The following EPN3 variants were observed in gnomAD, a reference collection of about 807,000 sequenced individuals.
EPN3 encodes epsin 3.
In EPN3, 56 loss-of-function variants were observed where a neutral mutation model predicts 55.5. That is an observed-to-expected ratio of 1.01 (90% CI 0.81 to 1.26). The LOEUF is 1.26. Among genes scored for constraint, EPN3 ranks in the 50% most tolerant of loss-of-function variants. The pLI, the probability that EPN3 is intolerant of heterozygous loss-of-function variation, is 0.00. For synonymous variants in EPN3, 449 were observed against 375.2 expected (o/e 1.20, Z -2.27); for missense variants, 927 against 853.4 (o/e 1.09, Z -1.07).
chr17:50,538,806 A>T, intron 3 of EPN3, 78 bp from the exon 4 acceptor site: 2 of 1,098,778 alleles, frequency 1.8e-6, no homozygotes, highest in Non-Finnish European at 2.6e-6. Context: ...CATCCCCATG[A>T]CCCAGGCAGG....
In EPN3 at chr17:50,541,011, A is replaced by AG; in HGVS notation, c.1199dup (p.Ser400ArgfsTer5). 6.2e-7 allele frequency: 1 copy of AG among 1,602,820 alleles called. No homozygotes were observed. The highest frequency in any genetic ancestry group is 1.1e-5 in the South Asian group (1 of 90,640). ...GAACTCTCCCCACCACAAACTCCCC[A>AG]GCACTGGGGCTGACCCTTGGGGAGC... On this transcript the variant is annotated frameshift_variant, in exon 7 of 10. Transcript: ENST00000268933. LOFTEE classifies it high-confidence loss of function.
At chr17:50,540,755 G>A in intron 6 of EPN3, 38 bp from the exon 7 acceptor site, 1 of 1,554,148 alleles carries the variant, frequency 6.4e-7, no homozygotes, top group Middle Eastern at 1.7e-4. Flanking sequence ...AGGGATAAGG[G>A]TGGGCCTGGG....
chr17:50,537,038 T>C lies in EPN3; in HGVS notation c.482T>C (p.Ile161Thr). The change falls in exon 2 of 10, where the codon ATT becomes ACT. Residue 161 changes from isoleucine (I) to threonine (T), a missense_variant. Transcript: ENST00000268933. Reference sequence around the variant, plus strand: ...CGCATGGCACTGGAGGGCATCGGCATTGGCAGTGGGCAGCTGGGCTTCAGC... The same window carrying C: ...CGCATGGCACTGGAGGGCATCGGCACTGGCAGTGGGCAGCTGGGCTTCAGC... Reference protein sequence around the residue: ...KERMALEGIGIGSGQLGFSRR... With the variant: ...KERMALEGIGTGSGQLGFSRR... 6.2e-7 allele frequency: 1 copy of C among 1,612,814 alleles called. No homozygotes were observed. Among genetic ancestry groups the C allele is most frequent in the Non-Finnish European group, 8.5e-7 (1 of 1,179,880 alleles).
At chr17:50,537,309 A>C in intron 2 of EPN3, 191 bp downstream of exon 2, 1 of 621,452 alleles carries the variant, frequency 1.6e-6, no homozygotes, top group Non-Finnish European at 2.8e-6. Flanking sequence ...TCAGATAATA[A>C]CGTTGTTATA....
At chr17:50,540,763 G>C in intron 6 of EPN3, 30 bp from the exon 7 acceptor site, 3 of 1,566,640 alleles carry the variant, frequency 1.9e-6, no homozygotes, top group Non-Finnish European at 2.6e-6. Context: ...GGGTGGGCCT[G>C]GGATCATGTC....
chr17:50,540,520 G>A (rs2034832634), intron 6 of EPN3, among the ~76,000 whole-genome samples, 186 bp downstream of exon 6: 1 of 138,724 alleles, frequency 7.2e-6, no homozygotes, highest in Admixed American at 7.2e-5. Flanking sequence ...TGTCTGAAGG[G>A]CCCAGCTCCT....
In EPN3 at chr17:50,539,317, T is replaced by C. The variant is rs769600811; in HGVS notation, c.891+2T>C. On this transcript the variant is annotated splice_donor_variant, in intron 5 of 9. Coordinates refer to ENST00000268933, the MANE Select transcript of EPN3 (RefSeq NM_017957.3). LOFTEE classifies it high-confidence loss of function. ...GAGGAGAAGCTAAAAACCAGCCAGG[T>C]AGGGAGTGGGCTGCGGTGCTTGGGA... 1.3e-5 allele frequency: 21 copies of C among 1,613,732 alleles called. No individual in the cohort carries two copies. Among genetic ancestry groups the C allele is most frequent in the Admixed American group, 6.7e-5 (4 of 59,976 alleles).
chr17:50,536,199 G>C (rs1274655848), intron 1 of EPN3: 2 of 279,444 alleles, frequency 7.2e-6, no homozygotes, highest in Non-Finnish European at 6.9e-6. Context: ...TGTGGATGGA[G>C]GTAATGATAA....
chr17:50,534,188 C>T (rs1597858521), intron 1 of EPN3, among the ~76,000 whole-genome samples: 1 of 151,722 alleles, frequency 6.6e-6, no homozygotes, highest in East Asian at 2.0e-4. Context: ...CTCACCTTGT[C>T]CCCTCAAACT....
At chr17:50,539,577 G>A (rs996430671) in intron 5 of EPN3, among the ~76,000 whole-genome samples, 2 of 152,308 alleles carry the variant, frequency 1.3e-5, no homozygotes, top group African/African-American at 2.4e-5. Flanking sequence ...TCTATGACTT[G>A]GGGCATGTCA....
intron 4 of EPN3, 60 bp from the exon 5 acceptor site, chr17:50,539,127 A>G: frequency 6.2e-7 from 1 of 1,603,172 alleles, no homozygotes; most frequent in Admixed American, 1.7e-5. Context: ...TCTGGTGCAC[A>G]GGTCCCCGGA....
chr17:50,534,724 A>G (rs1305156083), intron 1 of EPN3: 13 of 892,278 alleles, frequency 1.5e-5, no homozygotes, highest in Non-Finnish European at 1.7e-5. Context: ...TGGGCCCCCA[A>G]CAAAACCTGC....
chr17:50,534,941 G>A (rs1449541329), intron 1 of EPN3, among the ~76,000 whole-genome samples: 2 of 152,240 alleles, frequency 1.3e-5, no homozygotes. Flanking sequence ...CACGGGTGAA[G>A]TGGAGGCTCT....
intron 3 of EPN3, chr17:50,538,547 G>A (rs1280805229): frequency 9.3e-6 from 4 of 427,908 alleles, no homozygotes; most frequent in Non-Finnish European, 1.7e-5. Flanking sequence ...TATCCTTTTG[G>A]GGAGACAAGG....
At position 50,536,582 on chromosome 17, in the gene EPN3, AGGT is replaced by A. The variant is rs2034765652; in HGVS notation, c.28_30del (p.Val10del). On this transcript the variant is annotated inframe_deletion, in exon 2 of 10. Coordinates refer to ENST00000268933, the MANE Select transcript of EPN3 (RefSeq NM_017957.3). ...ATGACGACCTCCGCACTCCGGCGCC[AGGT>A]GAAGAACATCGTGCACAACTACTCC... is the stretch of plus-strand genomic sequence containing the variant. The A allele has an allele frequency of 5.0e-6, 8 of 1,613,992 alleles. No homozygotes were observed. The highest frequency in any genetic ancestry group is 6.8e-6 in the Non-Finnish European group (8 of 1,180,020).
intron 6 of EPN3, among the ~76,000 whole-genome samples, chr17:50,540,584 G>T (rs950995252): frequency 6.6e-6 from 1 of 152,228 alleles, no homozygotes; most frequent in Non-Finnish European, 1.5e-5. Context: ...GCACGCCTGG[G>T]AAGGTGGCCT....
In EPN3 at chr17:50,541,078, G is replaced by T; in HGVS notation, c.1249+16G>T. The T allele has an allele frequency of 6.4e-7, 1 of 1,571,144 alleles. No individual in the cohort carries two copies. Among genetic ancestry groups the T allele is most frequent in the Non-Finnish European group, 8.6e-7 (1 of 1,160,452 alleles). On this transcript the variant is annotated intron_variant, in intron 7 of 9. Transcript: ENST00000268933. The stretch of plus-strand genomic sequence containing the variant: ...GACACACCTGGTAAGAAGAGGGCCA[G>T]AGAGTGTGAGTGAGGAGCTGGGGGA...
chr17:50,539,365 C>T, intron 5 of EPN3, 50 bp downstream of exon 5: 1 of 1,610,422 alleles, frequency 6.2e-7, no homozygotes. Flanking sequence ...AAGAGATGGA[C>T]TGAGTATTTG....
rs781397582 is a variant in EPN3 at position 50,536,913 on chromosome 17, G to A, written c.357G>A (p.Gln119=). ...FQYIDRDGKD[Q]GVNVREKVKQ... is the part of the protein sequence containing the mutation. ...ACATCGACCGCGACGGCAAGGACCA[G>A]GGCGTCAACGTGCGCGAGAAGGTCA... is the stretch of plus-strand genomic sequence containing the variant. Residue 119 remains glutamine (Q), a synonymous_variant, in exon 2 of 10, where the codon CAG becomes CAA. Coordinates refer to ENST00000268933, the MANE Select transcript of EPN3 (RefSeq NM_017957.3). The A allele has an allele frequency of 5.0e-6, 8 of 1,613,956 alleles. No individual in the cohort carries two copies. The African/African-American group carries it at 1.1e-4, about 22-fold the overall frequency.
Sources: allele counts gnomAD v4.1 joint callset (sites outside exome capture counted in the v4.1 genomes callset), GRCh38; gene constraint gnomAD v4.1.1; transcripts MANE v1.5; gene names NCBI Gene and HGNC (gene_info 2026-07-23, HGNC 2026-07-21).